MYZAP: variants seen among roughly 807,000 people sequenced by gnomAD.
The protein encoded by MYZAP is myocardial zonula adherens protein.
In MYZAP, 66 loss-of-function variants were observed where a neutral mutation model predicts 69.4. The ratio of observed to expected loss-of-function variants is 0.95; its 90% CI spans 0.78 to 1.17. MYZAP has a LOEUF of 1.17. MYZAP is among the 50% of genes most tolerant of loss of function. The pLI, the probability that MYZAP is intolerant of heterozygous loss-of-function variation, is 0.00. For synonymous variants in MYZAP, 256 were observed against 205.9 expected (o/e 1.24, Z -2.09); for missense variants, 611 against 556.2 (o/e 1.10, Z -0.99).
At chr15:57,619,020 G>T (rs1451703923) in intron 3 of MYZAP, among the ~76,000 whole-genome samples, 1 of 152,162 alleles carries the variant, frequency 6.6e-6, no homozygotes, top group Non-Finnish European at 1.5e-5. Flanking sequence ...TCTGTGTCTG[G>T]CCCAGCAAGT....
intron 1 of MYZAP, among the ~76,000 whole-genome samples, chr15:57,595,567 A>G (rs2034001676): frequency 6.7e-6 from 1 of 148,826 alleles, no homozygotes; most frequent in Non-Finnish European, 1.5e-5. Context: ...TGGCTTCCCC[A>G]CAAAGCACAC....
intron 10 of MYZAP, among the ~76,000 whole-genome samples, chr15:57,651,983 A>G (rs2037750958): frequency 1.3e-5 from 2 of 152,250 alleles, no homozygotes; most frequent in Middle Eastern, 3.4e-3. Context: ...CCCCGTTGCA[A>G]CCGATCCTTT....
At chr15:57,620,841 A>T (rs553965638) in intron 3 of MYZAP, among the ~76,000 whole-genome samples, 1 of 152,174 alleles carries the variant, frequency 6.6e-6, no homozygotes, top group East Asian at 1.9e-4. Context: ...ACTTGTAAAA[A>T]CATGTGATGG....
chr15:57,660,792 A>G (rs759231892), intron 10 of MYZAP, among the ~76,000 whole-genome samples: 3 of 152,196 alleles, frequency 2.0e-5, no homozygotes, highest in South Asian at 4.1e-4. Context: ...CTAGGGAGAC[A>G]TGATGTATGA....
At chr15:57,613,634 G>A (rs1248397590) in intron 2 of MYZAP, among the ~76,000 whole-genome samples, 2 of 151,772 alleles carry the variant, frequency 1.3e-5, no homozygotes, top group East Asian at 3.9e-4. Flanking sequence ...GCCTCCCAAA[G>A]TGCTGGGATT....
chr15:57,656,567 C>T (rs1328164717), intron 10 of MYZAP, among the ~76,000 whole-genome samples: 1 of 152,102 alleles, frequency 6.6e-6, no homozygotes, highest in Non-Finnish European at 1.5e-5. Flanking sequence ...CTATCAAACC[C>T]AGGAGCATGT....
chr15:57,656,797 T>G (rs901830572), intron 10 of MYZAP, among the ~76,000 whole-genome samples: 6 of 152,186 alleles, frequency 3.9e-5, no homozygotes, highest in Non-Finnish European at 5.9e-5. Context: ...TAAGAAATGT[T>G]CCAGGATAAA....
At chr15:57,626,359 G>C (rs1164473526) in intron 5 of MYZAP, among the ~76,000 whole-genome samples, 1 of 152,208 alleles carries the variant, frequency 6.6e-6, no homozygotes, top group Non-Finnish European at 1.5e-5. Context: ...GTATCAGAAA[G>C]AATCATGGAT....
At chr15:57,646,489 A>C (rs1010393878) in intron 10 of MYZAP, 39 of 1,030,588 alleles carry the variant, frequency 3.8e-5, no homozygotes, top group Admixed American at 2.2e-4. Flanking sequence ...TGCAATGAAA[A>C]AGGCTACTGA....
At chr15:57,668,011 G>A (rs1205800851) in intron 11 of MYZAP, among the ~76,000 whole-genome samples, 1 of 152,048 alleles carries the variant, frequency 6.6e-6, no homozygotes, top group African/African-American at 2.4e-5. Flanking sequence ...CATTTAGTGG[G>A]AATCCACTGT....
At chr15:57,626,695 C>G (rs115910473) in intron 5 of MYZAP, among the ~76,000 whole-genome samples, 3,472 of 152,302 alleles carry the variant, frequency 0.023, 80 homozygotes, top group African/African-American at 0.053. Flanking sequence ...AGTTCCAAAA[C>G]CTATTTCAAA....
chr15:57,661,630 TC>T, intron 11 of MYZAP, 97 bp downstream of exon 11: 1 of 1,078,222 alleles, frequency 9.3e-7, no homozygotes, highest in Non-Finnish European at 1.3e-6. Context: ...TATGGCTATT[TC>T]CCGGCCTTAT....
intron 11 of MYZAP, among the ~76,000 whole-genome samples, chr15:57,665,468 T>C (rs1018500067): frequency 4.6e-5 from 7 of 152,384 alleles, no homozygotes; most frequent in African/African-American, 1.4e-4. Flanking sequence ...GGGGATTTAT[T>C]GATCATGCCT....
chr15:57,647,779 A>C, intron 10 of MYZAP: 1 of 985,370 alleles, frequency 1.0e-6, no homozygotes, highest in Non-Finnish European at 1.2e-6. Context: ...TGATCTTCTT[A>C]GATCTGGGTT....
intron 2 of MYZAP, among the ~76,000 whole-genome samples, chr15:57,612,767 G>T (rs2035187020): frequency 1.3e-5 from 2 of 152,134 alleles, no homozygotes; most frequent in Admixed American, 6.5e-5. Context: ...CTTTAGGGAG[G>T]TCAGCCATAG....
At chr15:57,640,602 T>C (rs2140469184) in intron 10 of MYZAP, among the ~76,000 whole-genome samples, 1 of 152,322 alleles carries the variant, frequency 6.6e-6, no homozygotes, top group South Asian at 2.1e-4. Context: ...GATTAAAATA[T>C]ATCTATTTTA....
At chr15:57,659,238 G>A (rs535909074) in intron 10 of MYZAP, among the ~76,000 whole-genome samples, 5 of 152,054 alleles carry the variant, frequency 3.3e-5, no homozygotes, top group Admixed American at 2.0e-4. Context: ...GGTATCTCAC[G>A]TTCATCTAGT....
At chr15:57,662,315 TTA>T (rs1373521561) in intron 11 of MYZAP, among the ~76,000 whole-genome samples, 1 of 152,230 alleles carries the variant, frequency 6.6e-6, no homozygotes, top group Admixed American at 6.5e-5. Flanking sequence ...GTGTTCCTCG[TTA>T]TAGTCCTTCC....
chr15:57,603,742 C>G (rs2034562953), intron 1 of MYZAP, among the ~76,000 whole-genome samples: 1 of 152,130 alleles, frequency 6.6e-6, no homozygotes, highest in Non-Finnish European at 1.5e-5. Flanking sequence ...TGTCAATGGA[C>G]ATTTGGGTTG....
Sources: gnomAD v4.1 joint callset for allele counts (sites outside exome capture counted in the v4.1 genomes callset) on GRCh38, gnomAD v4.1.1 for gene constraint, MANE v1.5 for transcripts, NCBI Gene and HGNC (gene_info 2026-07-23, HGNC 2026-07-21) for gene names.